Variants in TWSG1 observed in about 807,000 individuals in gnomAD.
The protein encoded by TWSG1 is twisted gastrulation protein homolog 1.
A neutral mutation model predicts 23.0 loss-of-function variants in TWSG1; 15 were observed. That is an observed-to-expected ratio of 0.65 (90% CI 0.44 to 1.00). The LOEUF (loss-of-function observed/expected upper bound fraction) is 1.00, where lower values mean the gene tolerates loss of function less well. Ranked by LOEUF, TWSG1 falls within the 50% of genes least tolerant of loss-of-function variation. The pLI is 0.00. For synonymous variants in TWSG1, 86 were observed against 92.8 expected, an observed-to-expected ratio of 0.93 and a Z score of 0.42; for missense variants, 242 against 278.7, an observed-to-expected ratio of 0.87 and a Z score of 0.94.
intron 3 of TWSG1, chr18:9,388,007 G>C (rs1252308395): frequency 1.3e-5 from 2 of 152,222 alleles, no homozygotes; most frequent in East Asian, 3.9e-4. Flanking sequence ...CAAAATTCTT[G>C]TATTGAATCT....
At chr18:9,369,924 TATTG>T (rs2040596875) in intron 3 of TWSG1, among the ~76,000 whole-genome samples, 1 of 152,338 alleles carries the variant, frequency 6.6e-6, no homozygotes, top group South Asian at 2.1e-4. Flanking sequence ...CTCTTCACTA[TATTG>T]ATTGTTTCCT....
intron 3 of TWSG1, among the ~76,000 whole-genome samples, chr18:9,363,955 T>C (rs1394304363): frequency 6.6e-6 from 1 of 152,186 alleles, no homozygotes; most frequent in East Asian, 1.9e-4. Context: ...TAATATCGTC[T>C]AATACCACTC....
chr18:9,371,549 C>T (rs970775502), intron 3 of TWSG1, among the ~76,000 whole-genome samples: 1 of 152,108 alleles, frequency 6.6e-6, no homozygotes, highest in African/African-American at 2.4e-5. Context: ...CCTGCCTTGG[C>T]CTCCCAAAGT....
intron 3 of TWSG1, among the ~76,000 whole-genome samples, chr18:9,380,359 A>G (rs1293192045): frequency 6.6e-6 from 1 of 152,180 alleles, no homozygotes; most frequent in Non-Finnish European, 1.5e-5. Flanking sequence ...GGTTCCAGCC[A>G]CGCAGTCTTG....
rs776811691 is a variant in TWSG1, at chr18:9,399,386, C to T, written c.531C>T (p.Ser177=). The T allele has an allele frequency of 3.7e-5, 60 of 1,613,270 alleles. No individual in the cohort carries two copies. The South Asian group carries it at 6.0e-4, about 16-fold the overall frequency. ...CTVVYFDDCM[S]IHQCKISCES... is the part of the protein sequence containing the mutation. ...TGGTTTATTTTGATGACTGCATGTC[C>T]ATACATCAGTGTAAAATATCCTGTG... Residue 177 remains serine (S), a synonymous_variant, in exon 5 of 5, where the codon TCC becomes TCT. Transcript: ENST00000262120.
At chr18:9,376,879 A>T (rs1235163253) in intron 3 of TWSG1, among the ~76,000 whole-genome samples, 1 of 151,084 alleles carries the variant, frequency 6.6e-6, no homozygotes, top group Non-Finnish European at 1.5e-5. Context: ...TTATGTCTGT[A>T]CTGAACATGT....
At chr18:9,392,678 G>A (rs1342993248) in intron 3 of TWSG1, among the ~76,000 whole-genome samples, 1 of 152,170 alleles carries the variant, frequency 6.6e-6, no homozygotes, top group Non-Finnish European at 1.5e-5. Flanking sequence ...CTTTCAACAT[G>A]CCATCTTCAC....
At chr18:9,385,387 G>A (rs191628970) in intron 3 of TWSG1, among the ~76,000 whole-genome samples, 11 of 124,904 alleles carry the variant, frequency 8.8e-5, no homozygotes, top group Non-Finnish European at 6.8e-5. Context: ...TAGAATAAGT[G>A]TAGCTTAAAA....
At chr18:9,337,047 C>A in intron 1 of TWSG1, 146 bp from the exon 2 acceptor site, 1 of 631,484 alleles carries the variant, frequency 1.6e-6, no homozygotes, top group Non-Finnish European at 2.6e-6. Flanking sequence ...GTACTTCAGC[C>A]TGGGCAACAG....
At chr18:9,341,022 C>T (rs2040444424) in intron 2 of TWSG1, among the ~76,000 whole-genome samples, 1 of 152,192 alleles carries the variant, frequency 6.6e-6, no homozygotes, top group Non-Finnish European at 1.5e-5. Flanking sequence ...TTCCTCCCTT[C>T]TCTATCCCCA....
intron 3 of TWSG1, among the ~76,000 whole-genome samples, chr18:9,395,023 G>A (rs2040728465): frequency 6.6e-6 from 1 of 152,028 alleles, no homozygotes; most frequent in Non-Finnish European, 1.5e-5. Flanking sequence ...TTTCTTTCTG[G>A]CCCAGTGTCC....
chr18:9,387,947 G>A (rs1035048050), intron 3 of TWSG1: 3 of 152,080 alleles, frequency 2.0e-5, no homozygotes, highest in African/African-American at 7.2e-5. Context: ...TCATGATCAG[G>A]TTTCTCCAGA....
chr18:9,389,262 C>G (rs1270679930), intron 3 of TWSG1, among the ~76,000 whole-genome samples: 3 of 152,258 alleles, frequency 2.0e-5, no homozygotes, highest in African/African-American at 7.2e-5. Context: ...AGGTGTGAAC[C>G]ACTGCACCCG....
At chr18:9,384,659 TTTTG>T in intron 3 of TWSG1, among the ~76,000 whole-genome samples, 1 of 152,172 alleles carries the variant, frequency 6.6e-6, no homozygotes, top group Admixed American at 6.5e-5. Context: ...TTTTTTTTTT[TTTTG>T]GAGACAAAGT....
chr18:9,356,769 C>G (rs1286525586), intron 2 of TWSG1, among the ~76,000 whole-genome samples: 1 of 151,950 alleles, frequency 6.6e-6, no homozygotes, highest in Non-Finnish European at 1.5e-5. Flanking sequence ...ATACAGGATG[C>G]TCAACTGGTA....
At chr18:9,346,360 C>A (rs1454422980) in intron 2 of TWSG1, among the ~76,000 whole-genome samples, 2 of 152,118 alleles carry the variant, frequency 1.3e-5, no homozygotes. Flanking sequence ...CTAATAATAT[C>A]CCATTGTATG....
chr18:9,355,438 T>A (rs1181376687), intron 2 of TWSG1, among the ~76,000 whole-genome samples: 2 of 151,980 alleles, frequency 1.3e-5, no homozygotes, highest in Admixed American at 1.3e-4. Flanking sequence ...GAAACATTCA[T>A]CCTAACCGCA....
At chr18:9,353,739 C>T (rs1203260455) in intron 2 of TWSG1, among the ~76,000 whole-genome samples, 2 of 152,186 alleles carry the variant, frequency 1.3e-5, no homozygotes, top group African/African-American at 4.8e-5. Context: ...TCACAGAAAT[C>T]ATGAAACCAC....
intron 2 of TWSG1, among the ~76,000 whole-genome samples, chr18:9,340,998 G>A (rs1021980781): frequency 2.0e-5 from 3 of 152,156 alleles, no homozygotes; most frequent in Admixed American, 2.0e-4. Flanking sequence ...GTCTCTTCCT[G>A]ACTTCTCCTC....
Sources: gnomAD v4.1 joint callset for allele counts (sites outside exome capture counted in the v4.1 genomes callset) on GRCh38, gnomAD v4.1.1 for gene constraint, MANE v1.5 for transcripts, NCBI Gene and HGNC (gene_info 2026-07-23, HGNC 2026-07-21) for gene names.